Variants in TBC1D9 observed in about 807,000 individuals in gnomAD.
The protein encoded by TBC1D9 is TBC1 domain family member 9, also known as TBC1 domain family member 9A.
A neutral mutation model predicts 132.0 loss-of-function variants in TBC1D9; 63 were observed. The ratio of observed to expected loss-of-function variants is 0.48; its 90% confidence interval spans 0.39 to 0.59. The LOEUF is 0.59. TBC1D9 is among the 20% of genes least tolerant of loss of function. The pLI, the probability that TBC1D9 is intolerant of heterozygous loss-of-function variation, is 0.00. For missense variants in TBC1D9, 1,261 were observed against 1,592.7 expected (o/e 0.79, Z 3.54); for synonymous variants, 610 against 609.9 (o/e 1.00, Z 0.00).
chr4:140,689,770 C>T (rs1737848891), intron 2 of TBC1D9, among the ~76,000 whole-genome samples: 1 of 117,266 alleles, frequency 8.5e-6, no homozygotes, highest in African/African-American at 3.3e-5. Context: ...TTTTTTGAGA[C>T]AGAGTCACGC....
intron 1 of TBC1D9, among the ~76,000 whole-genome samples, chr4:140,736,314 G>T: frequency 6.6e-6 from 1 of 152,116 alleles, no homozygotes; most frequent in Non-Finnish European, 1.5e-5. Context: ...GCCAAGGTGG[G>T]TGGATCACTT....
intron 1 of TBC1D9, among the ~76,000 whole-genome samples, chr4:140,712,678 G>T (rs1300484128): frequency 6.6e-6 from 1 of 151,494 alleles, no homozygotes; most frequent in East Asian, 1.9e-4. Flanking sequence ...GGAGGCGGAG[G>T]TTGCAGTGAA....
chr4:140,645,005 G>C, intron 13 of TBC1D9: 2 of 466,522 alleles, frequency 4.3e-6, no homozygotes, highest in South Asian at 1.6e-5. Flanking sequence ...TGCCCGAGCG[G>C]GACAACCAGG....
intron 6 of TBC1D9, among the ~76,000 whole-genome samples, chr4:140,673,437 T>C (rs1737568705): frequency 6.6e-6 from 1 of 152,166 alleles, no homozygotes; most frequent in Non-Finnish European, 1.5e-5. Flanking sequence ...CCTGACTCGG[T>C]TCTGAAAGGT....
intron 15 of TBC1D9, among the ~76,000 whole-genome samples, chr4:140,638,743 T>G (rs1736918867): frequency 6.6e-6 from 1 of 152,136 alleles, no homozygotes; most frequent in Non-Finnish European, 1.5e-5. Flanking sequence ...TACATAAGGG[T>G]GTTTTTATAG....
chr4:140,684,259 A>G (rs1737748018), intron 3 of TBC1D9, among the ~76,000 whole-genome samples: 1 of 151,812 alleles, frequency 6.6e-6, no homozygotes, highest in East Asian at 1.9e-4. Context: ...AAAAAAAGTT[A>G]AGAAAAGGGA....
At chr4:140,661,118 G>A (rs1485338245) in intron 10 of TBC1D9, among the ~76,000 whole-genome samples, 1 of 152,134 alleles carries the variant, frequency 6.6e-6, no homozygotes, top group African/African-American at 2.4e-5. Context: ...GTTTCACCGT[G>A]TTAGCCAGGA....
Position 140,622,761 on chromosome 4 carries a change from C to T in TBC1D9, c.3235G>A (p.Gly1079Arg), listed in dbSNP as rs201150614. The T allele has an allele frequency of 1.5e-3, 2,437 of 1,605,442 alleles. 1 individual carries two copies. The highest frequency in any genetic ancestry group is 1.9e-3 in the Non-Finnish European group (2,274 of 1,179,632). The change falls in exon 21 of 21, where the codon GGG becomes AGG. Residue 1079 changes from glycine (G) to arginine (R), a missense_variant. Physicochemically the swap from Gly to Arg is moderately radical, Grantham distance 125. Coordinates refer to ENST00000442267, the MANE Select transcript of TBC1D9 (RefSeq NM_015130.3). ...LFVAQPAKEG[G>R]SGGSGPSCHQ... is the part of the protein sequence containing the mutation. ...CAGGACGGCCCACTGCCTCCGCTCC[C>T]GCCCTCCTTTGCAGGCTGGGCCACG...
At chr4:140,667,829 T>C (rs1420330776) in intron 9 of TBC1D9, among the ~76,000 whole-genome samples, 1 of 152,224 alleles carries the variant, frequency 6.6e-6, no homozygotes, top group South Asian at 2.1e-4. Context: ...AAACCAATTA[T>C]TTTTCAGGAT....
chr4:140,669,637 T>G lies in TBC1D9; in HGVS notation c.1434A>C (p.Lys478Asn). The G allele has an allele frequency of 6.2e-7, 1 of 1,603,786 alleles. No homozygotes were observed. The highest frequency in any genetic ancestry group is 8.5e-7 in the Non-Finnish European group (1 of 1,171,502). The change falls in exon 8 of 21, where the codon AAA becomes AAC. Residue 478 changes from lysine to asparagine, a missense_variant. This residue lies in a region of TBC1D9 where 550 missense variants were observed against 699.0 expected (regional missense o/e 0.79). Coordinates refer to ENST00000442267, the MANE Select transcript of TBC1D9 (RefSeq NM_015130.3). ...GGGAAAAGTGAGAGGCACCCACCAA[T>G]TTCGGGTTGAACTCCTCGGGAGACC... ...RRRSPEEFNP[K>N]LAKEFLKEQA...
Position 140,622,713 on chromosome 4 carries a change from G to A in TBC1D9, c.3283C>T (p.Leu1095Phe). The A allele has an allele frequency of 1.2e-6, 2 of 1,610,622 alleles. No homozygotes were observed. Among genetic ancestry groups the A allele is most frequent in the Non-Finnish European group, 1.7e-6 (2 of 1,179,562 alleles). Reference protein sequence around the residue: ...PSCHQGIPGVLFPKKGPGQPY... With the variant: ...PSCHQGIPGVFFPKKGPGQPY... The stretch of plus-strand genomic sequence containing the variant: ...TGGCCTGGCCCTTTCTTGGGGAAGA[G>A]CACGCCTGGGATGCCCTGGTGGCAG... The change falls in exon 21 of 21, where the codon CTC (leucine) becomes TTC (phenylalanine). Residue 1095 changes from leucine to phenylalanine, a missense_variant. By Grantham distance (22) the Leu-to-Phe change is conservative. This residue lies in a region of TBC1D9 where 618 missense variants were observed against 724.4 expected (regional missense o/e 0.85). Transcript: ENST00000442267.
chr4:140,669,491 T>A (rs566886089), intron 8 of TBC1D9, 143 bp downstream of exon 8: 30 of 929,142 alleles, frequency 3.2e-5, no homozygotes, highest in Middle Eastern at 2.6e-4. Flanking sequence ...GTGAAAGTTA[T>A]AACATATTTA....
intron 13 of TBC1D9, chr4:140,644,369 G>C: frequency 3.5e-6 from 1 of 287,176 alleles, no homozygotes; most frequent in Non-Finnish European, 7.0e-6. Context: ...GGTAGGTGTA[G>C]GCAGGCGCCT....
chr4:140,628,988 CT>C lies in TBC1D9; in HGVS notation c.2747-624del, dbSNP rs762340683. Among the ~76,000 whole-genome samples the C allele has an allele frequency of 2.0e-5, 3 of 152,210 alleles. No individual in the cohort carries two copies. The East Asian group carries it at 5.8e-4, about 29-fold the overall frequency. On this transcript the variant is annotated intron_variant, in intron 16 of 20. Coordinates refer to ENST00000442267, the MANE Select transcript of TBC1D9 (RefSeq NM_015130.3). ...TATTTATTGCTAGAACCAGAAAATCCTTTGTAAATATATATTCTGAGAGCAC... is the reference window on the plus strand; with the variant it reads ...TATTTATTGCTAGAACCAGAAAATCCTTGTAAATATATATTCTGAGAGCAC...
chr4:140,712,445 A>ATG (rs1415790837), intron 1 of TBC1D9, among the ~76,000 whole-genome samples: 2 of 23,836 alleles, frequency 8.4e-5, no homozygotes, highest in Non-Finnish European at 1.3e-4. Context: ...CTTTAAAAAA[A>ATG]AAGAATATAT....
chr4:140,671,271 C>T (rs752181688), intron 6 of TBC1D9, among the ~76,000 whole-genome samples: 30 of 152,076 alleles, frequency 2.0e-4, no homozygotes, highest in Admixed American at 6.5e-4. Flanking sequence ...AGCAGAGTCC[C>T]GGGATGCTGC....
At chr4:140,624,410 G>A (rs761341760) in intron 18 of TBC1D9, 22 bp from the exon 19 acceptor site, 2 of 1,595,782 alleles carry the variant, frequency 1.3e-6, no homozygotes, top group African/African-American at 1.3e-5. Flanking sequence ...TGGTTCAGAA[G>A]AAAAAAGTAG....
At chr4:140,639,560 C>T in intron 13 of TBC1D9, 132 bp from the exon 14 acceptor site, 1 of 649,682 alleles carries the variant, frequency 1.5e-6, no homozygotes, top group Non-Finnish European at 2.7e-6. Context: ...TCCTACAGTA[C>T]ACCTTTAGCT....
At chr4:140,628,631 C>T (rs1736744630) in intron 16 of TBC1D9, among the ~76,000 whole-genome samples, 1 of 152,150 alleles carries the variant, frequency 6.6e-6, no homozygotes, top group East Asian at 1.9e-4. Flanking sequence ...ATAGAAGATT[C>T]TACCAGTGAT....
Sources: allele counts gnomAD v4.1 joint callset (sites outside exome capture counted in the v4.1 genomes callset), GRCh38; gene constraint gnomAD v4.1.1; regional missense constraint gnomAD v4.1.1; transcripts MANE v1.5; gene names NCBI Gene and HGNC (gene_info 2026-07-23, HGNC 2026-07-21).